The following EXT1 variants were observed in gnomAD, a reference collection of about 807,000 sequenced individuals.
EXT1 encodes the protein exostosin-1.
Under a neutral mutation model 82.5 loss-of-function variants are expected in EXT1, and 20 were observed. The ratio of observed to expected loss-of-function variants is 0.24; its 90% confidence interval spans 0.17 to 0.35. The LOEUF (loss-of-function observed/expected upper bound fraction) is 0.35, where lower values mean the gene tolerates loss of function less well. EXT1 is among the 10% of genes least tolerant of loss of function. The pLI, the probability that EXT1 is intolerant of heterozygous loss-of-function variation, is 1.00. For missense variants in EXT1, 757 were observed against 936.5 expected, an observed-to-expected ratio of 0.81 and a Z score of 2.50; for synonymous variants, 348 against 350.8, an observed-to-expected ratio of 0.99 and a Z score of 0.09.
chr8:117,830,153 T>C, intron 4 of EXT1, 77 bp downstream of exon 4: 1 of 1,598,388 alleles, frequency 6.3e-7, no homozygotes, highest in East Asian at 2.2e-5. Context: ...CACACATCCC[T>C]AATAGCAAAA....
At chr8:118,096,492 T>C (rs1817612504) in intron 1 of EXT1, among the ~76,000 whole-genome samples, 2 of 151,888 alleles carry the variant, frequency 1.3e-5, no homozygotes, top group African/African-American at 2.4e-5. Flanking sequence ...GTGGTGGTAC[T>C]CAGGAGGCTG....
intron 1 of EXT1, among the ~76,000 whole-genome samples, chr8:117,988,580 G>A (rs894100509): frequency 1.3e-5 from 2 of 152,160 alleles, no homozygotes; most frequent in African/African-American, 4.8e-5. Flanking sequence ...GGTCAGGATC[G>A]GCCGGGCAGA....
At chr8:118,080,039 G>A (rs769231537) in intron 1 of EXT1, among the ~76,000 whole-genome samples, 88 of 152,188 alleles carry the variant, frequency 5.8e-4, no homozygotes, top group Non-Finnish European at 2.6e-4. Context: ...CTAGGCACTG[G>A]TTGAAAAGGC....
chr8:118,036,447 C>T (rs7829981), intron 1 of EXT1, among the ~76,000 whole-genome samples: 69,920 of 151,790 alleles, frequency 0.46, 16,450 homozygotes, highest in African/African-American at 0.53. Context: ...GATAGTAAAT[C>T]GCATGATAAC....
chr8:118,056,724 G>T (rs1479823413), intron 1 of EXT1, among the ~76,000 whole-genome samples: 3 of 152,172 alleles, frequency 2.0e-5, no homozygotes, highest in Non-Finnish European at 4.4e-5. Context: ...AAGATGGCAG[G>T]TGTGATAACT....
intron 1 of EXT1, among the ~76,000 whole-genome samples, chr8:117,866,186 C>G (rs1812771675): frequency 6.6e-6 from 1 of 152,200 alleles, no homozygotes; most frequent in Non-Finnish European, 1.5e-5. Flanking sequence ...GATTGCGGCA[C>G]TGCACTCCAG....
At chr8:118,065,001 C>T (rs149493790) in intron 1 of EXT1, among the ~76,000 whole-genome samples, 4,051 of 151,880 alleles carry the variant, frequency 0.027, 162 homozygotes, top group African/African-American at 0.091. Context: ...TACAGGTGCC[C>T]GCCACCACAC....
At chr8:117,845,438 G>C (rs1812337419) in intron 1 of EXT1, among the ~76,000 whole-genome samples, 1 of 152,024 alleles carries the variant, frequency 6.6e-6, no homozygotes, top group African/African-American at 2.4e-5. Context: ...TGCTACCTGT[G>C]TATATTAATG....
At chr8:117,845,818 G>A (rs1587007957) in intron 1 of EXT1, among the ~76,000 whole-genome samples, 1 of 152,112 alleles carries the variant, frequency 6.6e-6, no homozygotes, top group Admixed American at 6.5e-5. Flanking sequence ...GGGGCACTGA[G>A]CTGCACAATC....
At chr8:117,945,578 T>C (rs1409836660) in intron 1 of EXT1, among the ~76,000 whole-genome samples, 1 of 151,636 alleles carries the variant, frequency 6.6e-6, no homozygotes. Context: ...CTCGGCTCAC[T>C]GTAACCTCCG....
chr8:118,109,965 C>CA, intron 1 of EXT1, 120 bp downstream of exon 1: 3 of 1,525,094 alleles, frequency 2.0e-6, no homozygotes, highest in Admixed American at 3.5e-5. Context: ...GTTCCAGGCT[C>CA]AAAGGGGAAA....
chr8:118,097,659 C>T (rs1817645525), intron 1 of EXT1, among the ~76,000 whole-genome samples: 1 of 152,120 alleles, frequency 6.6e-6, no homozygotes, highest in African/African-American at 2.4e-5. Context: ...ATGCCATGAT[C>T]CTCAGCCTCC....
chr8:117,920,002 C>A (rs1813824577), intron 1 of EXT1, among the ~76,000 whole-genome samples: 1 of 152,064 alleles, frequency 6.6e-6, no homozygotes, highest in African/African-American at 2.4e-5. Flanking sequence ...CACGCCACAT[C>A]ATGTTGATAG....
At chr8:117,973,258 A>G (rs1376033755) in intron 1 of EXT1, among the ~76,000 whole-genome samples, 1 of 152,180 alleles carries the variant, frequency 6.6e-6, no homozygotes, top group Non-Finnish European at 1.5e-5. Context: ...GAGAGTGGGA[A>G]TTGCAGTAAG....
At chr8:117,894,583 C>T (rs1391339361) in intron 1 of EXT1, among the ~76,000 whole-genome samples, 4 of 152,218 alleles carry the variant, frequency 2.6e-5, no homozygotes, top group Non-Finnish European at 5.9e-5. Context: ...CAGCTCCCTG[C>T]CTTTAATTCC....
At chr8:117,898,110 G>GGT (rs1491004496) in intron 1 of EXT1, among the ~76,000 whole-genome samples, 3 of 152,206 alleles carry the variant, frequency 2.0e-5, no homozygotes, top group African/African-American at 7.2e-5. Flanking sequence ...TGACCCCAAA[G>GGT]TGTATACTCT....
At chr8:118,010,985 G>A (rs1675739707) in intron 1 of EXT1, among the ~76,000 whole-genome samples, 1 of 152,164 alleles carries the variant, frequency 6.6e-6, no homozygotes, top group African/African-American at 2.4e-5. Context: ...ACAGGAGCTT[G>A]CAGGAAAGAA....
intron 1 of EXT1, among the ~76,000 whole-genome samples, chr8:118,023,300 G>A (rs1213638286): frequency 6.6e-6 from 1 of 152,190 alleles, no homozygotes; most frequent in East Asian, 1.9e-4. Context: ...TAAACAATGG[G>A]TTAATTATAA....
At chr8:117,817,734 G>A (rs1480903926) in intron 7 of EXT1, among the ~76,000 whole-genome samples, 1 of 152,126 alleles carries the variant, frequency 6.6e-6, no homozygotes, top group Admixed American at 6.5e-5. Flanking sequence ...ATGTAGTAGG[G>A]GGCAGGGTCT....
Sources: allele counts gnomAD v4.1 joint callset (sites outside exome capture counted in the v4.1 genomes callset), GRCh38; gene constraint gnomAD v4.1.1; transcripts MANE v1.5; gene names NCBI Gene and HGNC (gene_info 2026-07-23, HGNC 2026-07-21).